Variants in SP140 observed in about 807,000 individuals in gnomAD.
The protein encoded by SP140 is nuclear body protein SP140.
A neutral mutation model predicts 125.0 loss-of-function variants in SP140; 81 were observed. The ratio of observed to expected loss-of-function variants is 0.65; its 90% CI spans 0.54 to 0.78. The LOEUF (loss-of-function observed/expected upper bound fraction) is 0.78, where lower values mean the gene tolerates loss of function less well. SP140 is among the 30% of genes least tolerant of loss of function. SP140 has a pLI of 0.00. For missense variants in SP140, 858 were observed against 1,037.0 expected (o/e 0.83, Z 2.37); for synonymous variants, 312 against 354.0 (o/e 0.88, Z 1.33).
intron 11 of SP140, among the ~76,000 whole-genome samples, chr2:230,255,238 G>T (rs1414280565): frequency 1.3e-5 from 2 of 152,164 alleles, no homozygotes; most frequent in African/African-American, 4.8e-5. Context: ...GGCAGCAAGT[G>T]AGCTGATGGA....
the SP140 span, among the ~76,000 whole-genome samples, chr2:230,195,765 A>G: frequency 6.6e-6 from 1 of 152,362 alleles, no homozygotes; most frequent in East Asian, 1.9e-4. Flanking sequence ...AATGTTTAAA[A>G]AATTAAAAAT....
intron 12 of SP140, among the ~76,000 whole-genome samples, chr2:230,261,105 A>G (rs116268529): frequency 0.014 from 2,160 of 152,216 alleles, 45 homozygotes; most frequent in African/African-American, 0.049. Flanking sequence ...CAGGTTGTCT[A>G]TGATTTCTTT....
chr2:230,290,460 C>G lies in SP140; in HGVS notation c.1721C>G (p.Ala574Gly). ...RAAQKRVRSRASRKHKDETVD... is the reference protein window; with the variant it reads ...RAAQKRVRSRGSRKHKDETVD... Reference sequence around the variant, plus strand: ...AGAATGAAGAAATCCTCTCTTTCAGCTTCAAGAAAGCACAAAGATGAAACT... The same window carrying G: ...AGAATGAAGAAATCCTCTCTTTCAGGTTCAAGAAAGCACAAAGATGAAACT... The change falls in exon 19 of 27, where the codon GCT becomes GGT. Residue 574 changes from alanine to glycine, a missense_variant and splice_region_variant. Coordinates refer to ENST00000392045, the MANE Select transcript of SP140 (RefSeq NM_007237.5). 1 of 1,613,700 alleles carries G rather than the reference C, an allele frequency of 6.2e-7. No individual in the cohort carries two copies. The highest frequency in any genetic ancestry group is 2.2e-5 in the East Asian group (1 of 44,860).
In SP140 at chr2:230,286,206, C is replaced by A. The variant is rs543682431; in HGVS notation, c.1645+374C>A. 5.3e-5 allele frequency among the ~76,000 whole-genome samples: 8 copies of A among 152,344 alleles called. No homozygotes were observed. In the South Asian group the frequency reaches 1.7e-3, roughly 32 times the overall value. On this transcript the variant is annotated intron_variant, in intron 17 of 26. Transcript: ENST00000392045. The stretch of plus-strand genomic sequence containing the variant: ...TAGATGAGTTCTTTCCTGTCTTGAG[C>A]AAGCTCTGTCGCTTTCTTGTTCCCT...
At chr2:230,216,863 C>T (rs201743901) in intron 3 of SP140, 1 of 1,613,966 alleles carries the variant, frequency 6.2e-7, no homozygotes, top group South Asian at 1.1e-5. Flanking sequence ...ATAGGCGATC[C>T]CCAGCTTCTG....
At chr2:230,207,378 A>G (rs2043983569) in intron 1 of SP140, among the ~76,000 whole-genome samples, 1 of 152,132 alleles carries the variant, frequency 6.6e-6, no homozygotes, top group South Asian at 2.1e-4. Context: ...ATTTTCCCTG[A>G]CCAGATACCT....
chr2:230,284,673 A>C (rs1371816907), intron 16 of SP140, among the ~76,000 whole-genome samples: 4 of 152,248 alleles, frequency 2.6e-5, no homozygotes, highest in Non-Finnish European at 4.4e-5. Context: ...CCTAGCTCAA[A>C]GTATTTTTAT....
upstream of SP140, among the ~76,000 whole-genome samples, chr2:230,222,772 T>G (rs1434874495): frequency 6.6e-6 from 1 of 151,294 alleles, no homozygotes; most frequent in Admixed American, 6.6e-5. Flanking sequence ...AATCCCCTCC[T>G]TAAGGCCAGC....
chr2:230,295,123 C>T (rs1178721067), intron 21 of SP140, among the ~76,000 whole-genome samples: 2 of 152,186 alleles, frequency 1.3e-5, no homozygotes, highest in African/African-American at 4.8e-5. Context: ...AGTGTATATT[C>T]AGGACAAGGT....
upstream of SP140, among the ~76,000 whole-genome samples, chr2:230,221,298 AG>A (rs370296543): frequency 2.0e-5 from 3 of 151,754 alleles, no homozygotes; most frequent in Admixed American, 1.3e-4. Flanking sequence ...AAAAAAAAAA[AG>A]AATTCTATGT....
At chr2:230,219,931 C>T in intron 3 of SP140, 1 of 985,580 alleles carries the variant, frequency 1.0e-6, no homozygotes, top group Non-Finnish European at 1.2e-6. Context: ...GGGATCACTC[C>T]TCAAGATTGG....
At position 230,285,747 on chromosome 2, in the gene SP140, C is replaced by T; in HGVS notation, c.1565-5C>T. On this transcript the variant is annotated splice_region_variant and splice_polypyrimidine_tract_variant and intron_variant, in intron 16 of 26. Coordinates refer to ENST00000392045, the MANE Select transcript of SP140 (RefSeq NM_007237.5). ...ATTAATACATTTTCCCCTGCCTATC[C>T]CCAGATAATAGCAAAGCCGACGGCC... 1 of 1,611,980 alleles carries T rather than the reference C, an allele frequency of 6.2e-7. No individual in the cohort carries two copies. The highest frequency in any genetic ancestry group is 8.5e-7 in the Non-Finnish European group (1 of 1,178,208).
chr2:230,198,567 G>A (rs2042983138), upstream of SP140, among the ~76,000 whole-genome samples: 2 of 152,084 alleles, frequency 1.3e-5, no homozygotes, highest in African/African-American at 4.8e-5. Context: ...GTGTGGCCGT[G>A]CAACCAGTCC....
At chr2:230,257,086 T>A (rs1271835280) in intron 12 of SP140, among the ~76,000 whole-genome samples, 2 of 152,026 alleles carry the variant, frequency 1.3e-5, no homozygotes, top group Non-Finnish European at 2.9e-5. Flanking sequence ...TTCAGTTCTA[T>A]GAGGTGGGCA....
At chr2:230,274,042 A>G (rs1020119577) in intron 15 of SP140, among the ~76,000 whole-genome samples, 3 of 152,096 alleles carry the variant, frequency 2.0e-5, no homozygotes, top group African/African-American at 7.2e-5. Flanking sequence ...AATAATCTGT[A>G]TAACAAACAC....
intron 1 of SP140, among the ~76,000 whole-genome samples, chr2:230,236,666 G>A (rs1574926401): frequency 3.3e-5 from 5 of 152,208 alleles, no homozygotes; most frequent in Admixed American, 2.0e-4. Flanking sequence ...AAGGCAATCT[G>A]CCCTACTCCA....
At chr2:230,310,500 G>A in intron 23 of SP140, 2 of 850,372 alleles carry the variant, frequency 2.4e-6, no homozygotes, top group Non-Finnish European at 3.6e-6. Context: ...GACAGAGAAA[G>A]GAGAGTCCAC....
At chr2:230,260,693 A>G (rs1478863644) in intron 12 of SP140, among the ~76,000 whole-genome samples, 1 of 152,154 alleles carries the variant, frequency 6.6e-6, no homozygotes, top group African/African-American at 2.4e-5. Context: ...CATTTGTTGA[A>G]TAGGGTGTCC....
chr2:230,236,183 T>C (rs1199535199), intron 1 of SP140, among the ~76,000 whole-genome samples: 1 of 152,186 alleles, frequency 6.6e-6, no homozygotes, highest in African/African-American at 2.4e-5. Context: ...CCTTCTTGTG[T>C]ATTCTTAATC....
Sources: allele counts gnomAD v4.1 joint callset (sites outside exome capture counted in the v4.1 genomes callset), GRCh38; gene constraint gnomAD v4.1.1; transcripts MANE v1.5; gene names NCBI Gene and HGNC (gene_info 2026-07-23, HGNC 2026-07-21).